Variants in MTCL3 observed in about 807,000 individuals in gnomAD.
MTCL3 encodes the protein MTCL family member 3.
the MTCL3 span, among the ~76,000 whole-genome samples, chr6:127,474,871 A>G: frequency 6.6e-6 from 1 of 152,178 alleles, no homozygotes; most frequent in Non-Finnish European, 1.5e-5. Flanking sequence ...CCTAAACTCA[A>G]TATGGATCTT....
the MTCL3 span, chr6:127,473,292 A>G: frequency 6.5e-7 from 1 of 1,536,994 alleles, no homozygotes; most frequent in Middle Eastern, 1.7e-4. Context: ...TACAGTACAA[A>G]AAACAGTGTA....
the MTCL3 span, among the ~76,000 whole-genome samples, chr6:127,495,612 A>G: frequency 2.0e-5 from 3 of 152,214 alleles, no homozygotes; most frequent in Admixed American, 1.3e-4. Context: ...TGGGCATTAC[A>G]TGAGTGTTTT....
At chr6:127,519,042 G>A in the MTCL3 span, 1 of 144,200 alleles carries the variant, frequency 6.9e-6, no homozygotes, top group African/African-American at 2.5e-5. Context: ...CGGGGAGGGG[G>A]ACGGGGGACG....
At chr6:127,495,053 C>T in the MTCL3 span, among the ~76,000 whole-genome samples, 1 of 151,590 alleles carries the variant, frequency 6.6e-6, no homozygotes, top group Admixed American at 6.6e-5. Context: ...AAAAAGTAGC[C>T]GGGCATGGTG....
chr6:127,480,631 C>T, the MTCL3 span, among the ~76,000 whole-genome samples: 1 of 152,132 alleles, frequency 6.6e-6, no homozygotes, highest in Non-Finnish European at 1.5e-5. Context: ...GTGCAGAGTG[C>T]CAATCACTAG....
At chr6:127,506,606 G>A in the MTCL3 span, among the ~76,000 whole-genome samples, 923 of 151,498 alleles carry the variant, frequency 6.1e-3, 13 homozygotes, top group African/African-American at 0.021. Flanking sequence ...TGTTTGATAC[G>A]GAGACTTGCT....
chr6:127,490,832 CA>C, the MTCL3 span, among the ~76,000 whole-genome samples: 4 of 152,152 alleles, frequency 2.6e-5, no homozygotes, highest in East Asian at 7.7e-4. Context: ...AACAAACAAA[CA>C]AACAAAAACA....
the MTCL3 span, among the ~76,000 whole-genome samples, chr6:127,512,421 C>T: frequency 1.3e-5 from 2 of 152,138 alleles, no homozygotes; most frequent in Non-Finnish European, 2.9e-5. Flanking sequence ...GCGGGAAGGG[C>T]TGGCTTTGCT....
chr6:127,488,546 AT>A, the MTCL3 span, among the ~76,000 whole-genome samples: 1 of 152,198 alleles, frequency 6.6e-6, no homozygotes. Flanking sequence ...CTGTAGCTTT[AT>A]TTCTTACCTA....
the MTCL3 span, among the ~76,000 whole-genome samples, chr6:127,508,162 G>A: frequency 3.3e-5 from 5 of 152,220 alleles, no homozygotes; most frequent in South Asian, 2.1e-4. Flanking sequence ...CCATTAAACC[G>A]TCTCTTGGAA....
the MTCL3 span, among the ~76,000 whole-genome samples, chr6:127,503,562 A>G: frequency 6.6e-6 from 1 of 152,318 alleles, no homozygotes; most frequent in South Asian, 2.1e-4. Context: ...CAAAGCACAA[A>G]GAAGTTAAAC....
chr6:127,473,609 C>T, the MTCL3 span, among the ~76,000 whole-genome samples: 1 of 152,108 alleles, frequency 6.6e-6, no homozygotes, highest in African/African-American at 2.4e-5. Context: ...GAATACATAT[C>T]AAAATTCAAC....
the MTCL3 span, among the ~76,000 whole-genome samples, chr6:127,518,080 C>T: frequency 6.6e-6 from 1 of 152,200 alleles, no homozygotes; most frequent in African/African-American, 2.4e-5. Context: ...TCTGGCATCT[C>T]CTTCCAACTC....
the MTCL3 span, among the ~76,000 whole-genome samples, chr6:127,477,917 T>A: frequency 6.6e-6 from 1 of 152,092 alleles, no homozygotes; most frequent in Non-Finnish European, 1.5e-5. Flanking sequence ...AAACTCATAT[T>A]CCTTCCACTG....
chr6:127,497,714 C>T, the MTCL3 span, among the ~76,000 whole-genome samples: 1 of 152,036 alleles, frequency 6.6e-6, no homozygotes, highest in Non-Finnish European at 1.5e-5. Context: ...GAAAAAAAGC[C>T]ACACAGTGAG....
chr6:127,499,556 A>C, the MTCL3 span, among the ~76,000 whole-genome samples: 1 of 152,242 alleles, frequency 6.6e-6, no homozygotes, highest in South Asian at 2.1e-4. Flanking sequence ...GCTTTTCTGA[A>C]ATAATGAACA....
At chr6:127,476,043 C>T in the MTCL3 span, 1 of 1,612,566 alleles carries the variant, frequency 6.2e-7, no homozygotes, top group Non-Finnish European at 8.5e-7. This position sits in a 1 kb window ranked among gnomAD's most constrained non-coding sequence, Gnocchi z 4.4. Context: ...CGGCCACGTT[C>T]CTCCGCAGCA....
At chr6:127,490,772 G>A in the MTCL3 span, among the ~76,000 whole-genome samples, 14 of 152,064 alleles carry the variant, frequency 9.2e-5, no homozygotes, top group African/African-American at 1.9e-4. Context: ...AGCTGAGATC[G>A]CACCATTACA....
chr6:127,493,874 T>C, the MTCL3 span, among the ~76,000 whole-genome samples: 1 of 152,216 alleles, frequency 6.6e-6, no homozygotes, highest in African/African-American at 2.4e-5. Flanking sequence ...CTCTATTCTT[T>C]TCCCATGTGA....
Sources: allele counts gnomAD v4.1 joint callset (sites outside exome capture counted in the v4.1 genomes callset), GRCh38; gene constraint gnomAD v4.1.1; non-coding constraint Gnocchi (gnomAD v3.1); transcripts MANE v1.5; gene names NCBI Gene and HGNC (gene_info 2026-07-23, HGNC 2026-07-21).